Variants in PDE4D observed in about 807,000 individuals in gnomAD.
PDE4D encodes 3',5'-cyclic-AMP phosphodiesterase 4D.
PDE4D carries 24 observed loss-of-function variants against 87.4 expected under a neutral mutation model. That is an observed-to-expected ratio of 0.27 (90% CI 0.20 to 0.39). The LOEUF is 0.39. PDE4D is among the 10% of genes least tolerant of loss of function. The pLI, the probability that PDE4D is intolerant of heterozygous loss-of-function variation, is 1.00. For synonymous variants in PDE4D, 384 were observed against 383.2 expected (o/e 1.00, Z -0.02); for missense variants, 714 against 1,041.0 (o/e 0.69, Z 4.32).
At chr5:59,655,646 G>A (rs970889939) in intron 1 of PDE4D, among the ~76,000 whole-genome samples, 1 of 152,098 alleles carries the variant, frequency 6.6e-6, no homozygotes, top group African/African-American at 2.4e-5. Flanking sequence ...GCAGCCAGAA[G>A]CCATGGTTTT....
rs564248041 is a variant in PDE4D, at chr5:59,334,247, GTTTTTTTT to G, written c.456-118287_456-118280del. ...AAGTTGGAAGAGAGGATCCAGTGGA[GTTTTTTTT>G]TTTTTTTTTTTTTTTTTTTTGGAGA... On this transcript the variant is annotated intron_variant, in intron 1 of 14. Transcript: ENST00000340635. Among the ~76,000 whole-genome samples, 19 of 98,638 alleles carry G rather than the reference GTTTTTTTT, an allele frequency of 1.9e-4. No homozygotes were observed. In the South Asian group the frequency reaches 5.4e-3, roughly 28 times the overall value. 64.7% of individuals were successfully genotyped at this position (98,638 alleles called of 152,430 possible). A position where few individuals can be genotyped will look rare whatever the true frequency, so the allele number is the denominator to read the frequency against.
At chr5:59,327,317 T>C (rs1352936962) in intron 1 of PDE4D, among the ~76,000 whole-genome samples, 4 of 151,936 alleles carry the variant, frequency 2.6e-5, no homozygotes, top group Admixed American at 6.6e-5. Context: ...AAATGGAAAA[T>C]GCATTATAAG....
intron 2 of PDE4D, among the ~76,000 whole-genome samples, chr5:60,088,766 A>G (rs1170060058): frequency 6.6e-6 from 1 of 152,014 alleles, no homozygotes; most frequent in African/African-American, 2.4e-5. Context: ...ATGATTCTAC[A>G]AAACAACCAG....
chr5:58,980,511 C>T (rs1044329973), intron 11 of PDE4D, among the ~76,000 whole-genome samples: 4 of 152,142 alleles, frequency 2.6e-5, no homozygotes, highest in African/African-American at 9.6e-5. Flanking sequence ...TATTGAGAGG[C>T]CATGCATACC....
At chr5:59,402,366 C>G (rs1016252300) in intron 1 of PDE4D, among the ~76,000 whole-genome samples, 5 of 152,192 alleles carry the variant, frequency 3.3e-5, no homozygotes, top group Admixed American at 1.3e-4. Context: ...ACAGCACAAG[C>G]TGTCCCTGAC....
intron 5 of PDE4D, among the ~76,000 whole-genome samples, chr5:59,048,610 C>G (rs1761077252): frequency 6.6e-6 from 1 of 152,166 alleles, no homozygotes; most frequent in African/African-American, 2.4e-5. Context: ...GGATCCCATC[C>G]AATACCATGA....
At chr5:59,234,044 T>C (rs989712802) in intron 1 of PDE4D, among the ~76,000 whole-genome samples, 9 of 152,172 alleles carry the variant, frequency 5.9e-5, no homozygotes, top group African/African-American at 2.2e-4. Context: ...TAAAGGCATT[T>C]GACCTCTTCT....
At chr5:59,101,321 G>C (rs1453218861) in intron 5 of PDE4D, among the ~76,000 whole-genome samples, 1 of 152,114 alleles carries the variant, frequency 6.6e-6, no homozygotes, top group Non-Finnish European at 1.5e-5. Flanking sequence ...TCTCCTGGTA[G>C]ACTCCTGAAT....
At chr5:59,567,779 G>C (rs1489342023) in intron 1 of PDE4D, among the ~76,000 whole-genome samples, 1 of 152,136 alleles carries the variant, frequency 6.6e-6, no homozygotes, top group African/African-American at 2.4e-5. Context: ...TGTTGGAGTG[G>C]AAGATTATAG....
At chr5:59,977,292 C>G (rs1336793489) in intron 3 of PDE4D, among the ~76,000 whole-genome samples, 1 of 152,180 alleles carries the variant, frequency 6.6e-6, no homozygotes, top group African/African-American at 2.4e-5. Flanking sequence ...AGCCAAACAG[C>G]CTTATTGATA....
At position 59,189,540 on chromosome 5, in the gene PDE4D, G is replaced by A. The variant is rs78019431; in HGVS notation, c.684+3960C>T. ...AGTCAACTTAGAGTTTTACTACAGG[G>A]TAGTTGTGTCACAAATCCTGGGATC... On this transcript the variant is annotated intron_variant, in intron 3 of 14. Coordinates refer to ENST00000340635, the MANE Select transcript of PDE4D (RefSeq NM_001104631.2). Among the ~76,000 whole-genome samples, 414 of 152,114 alleles carry A rather than the reference G, an allele frequency of 2.7e-3. 7 individuals are homozygous for A. The East Asian group carries it at 0.054, about 20-fold the overall frequency.
chr5:60,044,573 T>C (rs911466450), intron 2 of PDE4D, among the ~76,000 whole-genome samples: 2 of 152,062 alleles, frequency 1.3e-5, no homozygotes, highest in African/African-American at 4.8e-5. Flanking sequence ...GTCCATGTGT[T>C]CTCATTGTTC....
At chr5:59,724,665 CCT>C (rs1456711367) in intron 1 of PDE4D, among the ~76,000 whole-genome samples, 3 of 152,056 alleles carry the variant, frequency 2.0e-5, no homozygotes, top group Admixed American at 6.6e-5. Flanking sequence ...TCTCTAACCC[CCT>C]TTCTCCCAAA....
In PDE4D at chr5:60,130,960, A is replaced by C. The variant is rs563007960; in HGVS notation, c.42+54597T>G. Among the ~76,000 whole-genome samples, 3 of 152,296 alleles carry C rather than the reference A, an allele frequency of 2.0e-5. No homozygotes were observed. In the South Asian group the frequency reaches 6.2e-4, roughly 32 times the overall value. ...AGGGTTTTCATTTTTATGACTATGT[A>C]AAGATTATTTTCTGCAAAGTGAAAT... is the stretch of plus-strand genomic sequence containing the variant. On this transcript the variant is annotated intron_variant, in intron 2 of 16. Coordinates refer to the PDE4D transcript ENST00000502484.
intron 2 of PDE4D, among the ~76,000 whole-genome samples, chr5:60,128,921 C>T (rs917286670): frequency 6.6e-6 from 1 of 152,138 alleles, no homozygotes; most frequent in Non-Finnish European, 1.5e-5. Context: ...GTTCTGTTTT[C>T]CTGTCAAACA....
intron 2 of PDE4D, among the ~76,000 whole-genome samples, chr5:60,038,279 T>A (rs568751054): frequency 6.6e-6 from 1 of 152,198 alleles, no homozygotes; most frequent in Non-Finnish European, 1.5e-5. Context: ...AAGTCTGTAA[T>A]CCATCTTGAA....
At chr5:59,171,096 G>T (rs1782689671) in intron 5 of PDE4D, among the ~76,000 whole-genome samples, 1 of 151,972 alleles carries the variant, frequency 6.6e-6, no homozygotes, top group Non-Finnish European at 1.5e-5. Flanking sequence ...TGGCCAGGCT[G>T]GTCTTGAACT....
At chr5:60,321,382 A>T (rs78488785) in intron 1 of PDE4D, among the ~76,000 whole-genome samples, 4,376 of 152,292 alleles carry the variant, frequency 0.029, 186 homozygotes, top group African/African-American at 0.1. Flanking sequence ...TATATCATAT[A>T]CAACAATTAA....
At chr5:60,228,691 T>G (rs1745432867) in intron 1 of PDE4D, among the ~76,000 whole-genome samples, 1 of 151,896 alleles carries the variant, frequency 6.6e-6, no homozygotes, top group Non-Finnish European at 1.5e-5. Flanking sequence ...TACCCTGAGC[T>G]GCTGTGTAAG....
Sources: allele counts gnomAD v4.1 joint callset (sites outside exome capture counted in the v4.1 genomes callset), GRCh38; gene constraint gnomAD v4.1.1; transcripts MANE v1.5; gene names NCBI Gene and HGNC (gene_info 2026-07-23, HGNC 2026-07-21).